KAT2B: variants seen among roughly 807,000 people sequenced by gnomAD.
KAT2B encodes the protein histone acetyltransferase KAT2B.
KAT2B carries 36 observed loss-of-function variants against 105.9 expected under a neutral mutation model. The observed-to-expected ratio is 0.34, with a 90% CI of 0.26 to 0.45. The LOEUF (loss-of-function observed/expected upper bound fraction) is 0.45. Ranked by LOEUF, KAT2B falls within the 20% of genes least tolerant of loss-of-function variation. The pLI, the probability that KAT2B is intolerant of heterozygous loss-of-function variation, is 1.00. For missense variants in KAT2B, 820 were observed against 1,021.6 expected (o/e 0.80, Z 2.69); for synonymous variants, 397 against 377.9 (o/e 1.05, Z -0.59).
At chr3:20,064,182 G>T (rs1237179696) in intron 1 of KAT2B, among the ~76,000 whole-genome samples, 1 of 152,030 alleles carries the variant, frequency 6.6e-6, no homozygotes, top group Non-Finnish European at 1.5e-5. Flanking sequence ...GTTATTGTCA[G>T]CTCCTTTTGA....
rs1342730354 is a variant in KAT2B at position 20,072,125 on chromosome 3, G to T, written c.304-208G>T. On this transcript the variant is annotated intron_variant, in intron 1 of 17. Coordinates refer to ENST00000263754, the MANE Select transcript of KAT2B (RefSeq NM_003884.5). ...AGCTGTAGCATGCAGATTCCAGCCA[G>T]CAGACAACAAAAGAAAACAAAAAGC... Among the ~76,000 whole-genome samples, 5 of 152,176 alleles carry T rather than the reference G, an allele frequency of 3.3e-5. No homozygotes were observed. In the East Asian group the frequency reaches 9.6e-4, roughly 29 times the overall value.
At chr3:20,071,219 A>G (rs1429011725) in intron 1 of KAT2B, among the ~76,000 whole-genome samples, 1 of 152,214 alleles carries the variant, frequency 6.6e-6, no homozygotes, top group Non-Finnish European at 1.5e-5. Flanking sequence ...GTGCACTTTG[A>G]TTTGAACTAG....
Position 20,095,274 on chromosome 3 carries a change from T to A in KAT2B, c.442T>A (p.Ser148Thr). 1 of 1,612,130 alleles carries A rather than the reference T, an allele frequency of 6.2e-7. No individual in the cohort carries two copies. Among genetic ancestry groups the A allele is most frequent in the South Asian group, 1.1e-5 (1 of 90,758 alleles). The stretch of plus-strand genomic sequence containing the variant: ...GATCTTATCATAAGCTGCTCATGTT[T>A]CCCACCTGGAGAATGTGTCAGAGGA... Reference protein sequence around the residue: ...SCSHALAAHVSHLENVSEEEM... With the variant: ...SCSHALAAHVTHLENVSEEEM... Residue 148 changes from serine (S) to threonine (T), a missense_variant, in exon 3 of 18, where the codon TCC (serine) becomes ACC (threonine). This residue lies in a region of KAT2B where 173 missense variants were observed against 249.5 expected (regional missense o/e 0.69). Coordinates refer to ENST00000263754, the MANE Select transcript of KAT2B (RefSeq NM_003884.5).
intron 1 of KAT2B, among the ~76,000 whole-genome samples, chr3:20,050,943 A>G (rs1438232530): frequency 2.0e-5 from 3 of 152,038 alleles, no homozygotes; most frequent in Admixed American, 1.3e-4. Flanking sequence ...GCTCATGCCT[A>G]TAATCCCAGC....
At chr3:20,066,652 C>G (rs2623075) in intron 1 of KAT2B, among the ~76,000 whole-genome samples, 2 of 151,776 alleles carry the variant, frequency 1.3e-5, no homozygotes, top group African/African-American at 4.8e-5. Context: ...CCTCCCACCT[C>G]GGCATCCCAA....
At chr3:20,147,760 A>G (rs969128154) in intron 14 of KAT2B, among the ~76,000 whole-genome samples, 1 of 152,200 alleles carries the variant, frequency 6.6e-6, no homozygotes, top group African/African-American at 2.4e-5. Context: ...ACACTAACAT[A>G]TGGGGCAGCG....
intron 2 of KAT2B, among the ~76,000 whole-genome samples, chr3:20,083,903 G>T (rs970526338): frequency 1.3e-5 from 2 of 152,162 alleles, no homozygotes; most frequent in Admixed American, 6.5e-5. Context: ...TTCCGTGATG[G>T]TGGTGCACCT....
chr3:20,062,247 TATATAAAATATG>T (rs1163322938), intron 1 of KAT2B, among the ~76,000 whole-genome samples: 6 of 29,358 alleles, frequency 2.0e-4, no homozygotes, highest in African/African-American at 5.3e-4. Flanking sequence ...AAATATATAA[TATATAAAATATG>T]ATATATAATA....
intron 1 of KAT2B, among the ~76,000 whole-genome samples, chr3:20,053,671 A>G (rs1049587115): frequency 6.6e-6 from 1 of 152,352 alleles, no homozygotes; most frequent in South Asian, 2.1e-4. Flanking sequence ...TTAAAAATCA[A>G]TTGTATATGA....
chr3:20,059,137 G>A (rs1170201425), intron 1 of KAT2B, among the ~76,000 whole-genome samples: 1 of 152,068 alleles, frequency 6.6e-6, no homozygotes, highest in Non-Finnish European at 1.5e-5. Context: ...TATCTTGCTG[G>A]GCATGTGGCT....
At position 20,040,579 on chromosome 3, in the gene KAT2B, C is replaced by T. The variant is rs1206247435; in HGVS notation, c.102C>T (p.Pro34=). Residue 34 remains proline (P), a synonymous_variant, in exon 1 of 18, where the codon CCC becomes CCT. Coordinates refer to ENST00000263754, the MANE Select transcript of KAT2B (RefSeq NM_003884.5). Reference sequence around the variant, plus strand: ...CCCCGCAGCCTGCGGCGCTTCCGCCCGCGCCCCCGCAGGGCTCCCCCTGCG... The same window carrying T: ...CCCCGCAGCCTGCGGCGCTTCCGCCTGCGCCCCCGCAGGGCTCCCCCTGCG... ...ALPPQPAALP[P]APPQGSPCAA... 6 of 1,156,926 alleles carry T rather than the reference C, an allele frequency of 5.2e-6. No individual in the cohort carries two copies. The highest frequency in any genetic ancestry group is 4.2e-5 in the South Asian group (1 of 23,724). 71.7% of individuals were successfully genotyped at this position (1,156,926 alleles called of 1,614,324 possible).
chr3:20,054,137 GT>G lies in KAT2B; in HGVS notation c.303+13367del, dbSNP rs1167171535. Reference sequence around the variant, plus strand: ...TTTTGTTTTTGTTTTTTGTTTTTTTGTTTTTTTTTTGAGACGGTGTCTCGCT... The same window carrying G: ...TTTTGTTTTTGTTTTTTGTTTTTTTGTTTTTTTTTGAGACGGTGTCTCGCT... On this transcript the variant is annotated intron_variant, in intron 1 of 17. Coordinates refer to ENST00000263754, the MANE Select transcript of KAT2B (RefSeq NM_003884.5). Among the ~76,000 whole-genome samples, 578 of 145,284 alleles carry G rather than the reference GT, an allele frequency of 4.0e-3. 6 individuals are homozygous for G. The highest frequency in any genetic ancestry group is 0.013 in the African/African-American group (511 of 39,436).
chr3:20,135,285 C>T (rs531955372), intron 11 of KAT2B, among the ~76,000 whole-genome samples: 156 of 152,152 alleles, frequency 1.0e-3, no homozygotes, highest in African/African-American at 3.5e-3. Context: ...CTAGACATAC[C>T]GTCCCCTTAT....
At chr3:20,118,115 G>A (rs980967268) in intron 7 of KAT2B, among the ~76,000 whole-genome samples, 3 of 145,952 alleles carry the variant, frequency 2.1e-5, no homozygotes, top group Non-Finnish European at 4.5e-5. Flanking sequence ...CTTCCCCTAA[G>A]TTATTTACAT....
At chr3:20,124,445 C>T (rs1699363427) in intron 9 of KAT2B, among the ~76,000 whole-genome samples, 1 of 151,998 alleles carries the variant, frequency 6.6e-6, no homozygotes, top group Non-Finnish European at 1.5e-5. Flanking sequence ...GGAGGAGGAG[C>T]CAGACCCCTT....
intron 1 of KAT2B, among the ~76,000 whole-genome samples, chr3:20,071,007 T>TAAAA: frequency 1.2e-5 from 1 of 83,462 alleles, no homozygotes; most frequent in African/African-American, 4.8e-5. Context: ...AGACTCTGTA[T>TAAAA]ATAAAAAAAA....
intron 3 of KAT2B, among the ~76,000 whole-genome samples, chr3:20,097,783 C>G (rs77057204): frequency 6.6e-6 from 1 of 152,028 alleles, no homozygotes; most frequent in African/African-American, 2.4e-5. Context: ...GTGATCTCCC[C>G]CCTCGGCCTT....
chr3:20,114,996 T>G lies in KAT2B; in HGVS notation c.1150+8T>G. 3 of 1,565,428 alleles carry G rather than the reference T, an allele frequency of 1.9e-6. No homozygotes were observed. Among genetic ancestry groups the G allele is most frequent in the Non-Finnish European group, 2.6e-6 (3 of 1,136,256 alleles). On this transcript the variant is annotated splice_region_variant and intron_variant, in intron 7 of 17. Coordinates refer to ENST00000263754, the MANE Select transcript of KAT2B (RefSeq NM_003884.5). ...AGCTAGGCATCCAAACAGGTAAGTT[T>G]CCTTTTACATGAATCAGAGAACAAC...
At chr3:20,054,855 G>A (rs180931884) in intron 1 of KAT2B, among the ~76,000 whole-genome samples, 194 of 152,310 alleles carry the variant, frequency 1.3e-3, no homozygotes, top group African/African-American at 4.4e-3. Context: ...ATCCCACCTC[G>A]AAAGGAACAC....
Sources: gnomAD v4.1 joint callset for allele counts (sites outside exome capture counted in the v4.1 genomes callset) on GRCh38, gnomAD v4.1.1 for gene constraint, gnomAD v4.1.1 regional missense constraint, MANE v1.5 for transcripts, NCBI Gene and HGNC (gene_info 2026-07-23, HGNC 2026-07-21) for gene names.